Variants in SLC23A2 observed in about 807,000 individuals in gnomAD.
SLC23A2 encodes the protein solute carrier family 23 member 2.
In SLC23A2, 36 loss-of-function variants were observed where a neutral mutation model predicts 73.3. The ratio of observed to expected loss-of-function variants is 0.49; its 90% CI spans 0.38 to 0.65. SLC23A2 has a LOEUF of 0.65. SLC23A2 is among the 30% of genes least tolerant of loss of function. The pLI, the probability that SLC23A2 is intolerant of heterozygous loss-of-function variation, is 0.00. For missense variants in SLC23A2, 507 were observed against 841.6 expected, an observed-to-expected ratio of 0.60 and a Z score of 4.92; for synonymous variants, 343 against 327.3, an observed-to-expected ratio of 1.05 and a Z score of -0.52.
At chr20:4,957,159 T>A (rs1415697717) in intron 2 of SLC23A2, among the ~76,000 whole-genome samples, 2 of 152,010 alleles carry the variant, frequency 1.3e-5, no homozygotes, top group Non-Finnish European at 2.9e-5. Flanking sequence ...TGTAAAAGAA[T>A]CAATACTCTA....
At chr20:4,969,374 C>G (rs189366825) in intron 2 of SLC23A2, among the ~76,000 whole-genome samples, 74 of 152,262 alleles carry the variant, frequency 4.9e-4, no homozygotes, top group African/African-American at 1.7e-3. Flanking sequence ...CAGGCATGAG[C>G]CACTACACCC....
At chr20:4,881,238 G>GT (rs1279489018) in intron 9 of SLC23A2, among the ~76,000 whole-genome samples, 3 of 152,220 alleles carry the variant, frequency 2.0e-5, no homozygotes, top group African/African-American at 7.2e-5. Context: ...TTGTGTAACA[G>GT]TAAGTGGAGG....
At chr20:4,937,678 A>G (rs1323700839) in intron 2 of SLC23A2, among the ~76,000 whole-genome samples, 2 of 152,244 alleles carry the variant, frequency 1.3e-5, no homozygotes, top group African/African-American at 4.8e-5. Flanking sequence ...TCAAACTTGA[A>G]TCAGTAATCT....
chr20:4,997,155 C>T (rs771056846), intron 1 of SLC23A2, among the ~76,000 whole-genome samples: 7 of 152,142 alleles, frequency 4.6e-5, no homozygotes, highest in Non-Finnish European at 8.8e-5. Context: ...GGTCTCCTTG[C>T]TGTCCTGCCT....
At chr20:4,939,400 C>T (rs186637834) in intron 2 of SLC23A2, among the ~76,000 whole-genome samples, 37 of 152,214 alleles carry the variant, frequency 2.4e-4, no homozygotes, top group African/African-American at 6.7e-4. Context: ...TCAATGTACA[C>T]CGACCAAGAA....
At chr20:5,000,146 C>G (rs1360343998) in intron 1 of SLC23A2, among the ~76,000 whole-genome samples, 2 of 152,066 alleles carry the variant, frequency 1.3e-5, no homozygotes, top group African/African-American at 4.8e-5. Context: ...TAACCCAGCA[C>G]AGAATTCTGA....
intron 13 of SLC23A2, among the ~76,000 whole-genome samples, chr20:4,866,147 T>C (rs1930189015): frequency 6.6e-6 from 1 of 152,214 alleles, no homozygotes; most frequent in African/African-American, 2.4e-5. Flanking sequence ...TCCTCCCATA[T>C]ACTTTAAATC....
In SLC23A2 at chr20:4,870,062, G is replaced by A; in HGVS notation, c.1103-9C>T. 1 of 1,586,280 alleles carries A rather than the reference G, an allele frequency of 6.3e-7. No individual in the cohort carries two copies. The highest frequency in any genetic ancestry group is 8.6e-7 in the Non-Finnish European group (1 of 1,165,860). ...GGGCAGTCCCCACTGAACTGTGGGAGGAAAACAACCATGAATGCTCCTAGA... is the reference window on the plus strand; with the variant it reads ...GGGCAGTCCCCACTGAACTGTGGGAAGAAAACAACCATGAATGCTCCTAGA... On this transcript the variant is annotated splice_polypyrimidine_tract_variant and intron_variant, in intron 11 of 16. Coordinates refer to ENST00000338244, the MANE Select transcript of SLC23A2 (RefSeq NM_005116.6).
chr20:4,949,232 G>C (rs6052979), intron 2 of SLC23A2, among the ~76,000 whole-genome samples: 2,999 of 149,094 alleles, frequency 0.02, 107 homozygotes, highest in African/African-American at 0.07. Context: ...AGATTGCAGT[G>C]AGCCGAGATC....
intron 1 of SLC23A2, among the ~76,000 whole-genome samples, chr20:4,986,396 C>A (rs2087827104): frequency 6.6e-6 from 1 of 152,106 alleles, no homozygotes; most frequent in Non-Finnish European, 1.5e-5. Flanking sequence ...TCACTACAAC[C>A]TCCGCCTCCT....
intron 1 of SLC23A2, among the ~76,000 whole-genome samples, chr20:4,983,620 T>C (rs1600202348): frequency 7.4e-6 from 1 of 135,470 alleles, no homozygotes; most frequent in Non-Finnish European, 1.5e-5. Context: ...CACTCCAGCC[T>C]GGGTGACAAA....
chr20:4,959,810 G>GTC (rs908527526), intron 2 of SLC23A2, among the ~76,000 whole-genome samples: 1 of 152,002 alleles, frequency 6.6e-6, no homozygotes, highest in African/African-American at 2.4e-5. Flanking sequence ...TAGACACAGG[G>GTC]TCTCTCTCTG....
chr20:4,986,649 TACACACACACACACACAC>T (rs55738084), intron 1 of SLC23A2, among the ~76,000 whole-genome samples: 19 of 129,828 alleles, frequency 1.5e-4, no homozygotes, highest in African/African-American at 5.5e-5. Flanking sequence ...CATACACACA[TACACACACACACACACAC>T]ACACACACAC....
At chr20:4,898,427 A>G (rs990283330) in intron 6 of SLC23A2, among the ~76,000 whole-genome samples, 6 of 152,224 alleles carry the variant, frequency 3.9e-5, no homozygotes, top group African/African-American at 1.2e-4. Context: ...GTCCCGAAGG[A>G]TTCTGACTCA....
chr20:4,945,301 T>G (rs2087103175), intron 2 of SLC23A2, among the ~76,000 whole-genome samples: 1 of 151,970 alleles, frequency 6.6e-6, no homozygotes, highest in African/African-American at 2.4e-5. Flanking sequence ...ATCTTGTTTG[T>G]TTGTTTGTTT....
At position 4,869,803 on chromosome 20, in the gene SLC23A2, C is replaced by G. The variant is rs1568603322; in HGVS notation, c.1250+103G>C. The G allele has an allele frequency of 6.7e-6, 7 of 1,044,634 alleles. No homozygotes were observed. In the East Asian group the frequency reaches 1.5e-4, roughly 22 times the overall value. 64.7% of individuals were successfully genotyped at this position (1,044,634 alleles called of 1,614,324 possible). On this transcript the variant is annotated intron_variant, in intron 12 of 16. Transcript: ENST00000338244. ...GCTAGAGTCCTGCTGCTTGGCTGGG[C>G]TCCTGCTGAAACTCTTGGTTTTGTC... is the stretch of plus-strand genomic sequence containing the variant.
chr20:4,924,068 C>A (rs1271782471), intron 3 of SLC23A2, among the ~76,000 whole-genome samples: 2 of 152,082 alleles, frequency 1.3e-5, no homozygotes, highest in African/African-American at 4.8e-5. Flanking sequence ...GGCATCCTCA[C>A]ATCCCTGCAT....
At chr20:4,884,082 C>T (rs74977874) in intron 8 of SLC23A2, among the ~76,000 whole-genome samples, 2,373 of 152,212 alleles carry the variant, frequency 0.016, 70 homozygotes, top group African/African-American at 0.053. Flanking sequence ...CACTGTTAAA[C>T]GATGCAGGCA....
At chr20:4,986,747 T>C (rs2326576) in intron 1 of SLC23A2, among the ~76,000 whole-genome samples, 59,040 of 149,448 alleles carry the variant, frequency 0.4, 12,756 homozygotes, top group East Asian at 0.59. Context: ...CTGGAAAATA[T>C]ATTTTAGCAG....
Sources: gnomAD v4.1 joint callset for allele counts (sites outside exome capture counted in the v4.1 genomes callset) on GRCh38, gnomAD v4.1.1 for gene constraint, MANE v1.5 for transcripts, NCBI Gene and HGNC (gene_info 2026-07-23, HGNC 2026-07-21) for gene names.